The following ATP7A variants were observed in gnomAD, a reference collection of about 807,000 sequenced individuals.
The protein encoded by ATP7A is copper-transporting ATPase 1.
Under a neutral mutation model 83.5 loss-of-function variants are expected in ATP7A, and 7 were observed. The observed-to-expected ratio is 0.08, with a 90% CI of 0.05 to 0.16. ATP7A has a LOEUF of 0.16. ATP7A is among the 10% of genes least tolerant of loss of function. The pLI is 1.00. For synonymous variants in ATP7A, 354 were observed against 395.2 expected (o/e 0.90, Z 1.24); for missense variants, 940 against 1,120.8 (o/e 0.84, Z 2.30).
At chrX:77,939,469 C>G (rs1205813910) in intron 1 of ATP7A, among the ~76,000 whole-genome samples, 2 of 110,185 alleles carry the variant, frequency 1.8e-5, no homozygotes, top group South Asian at 7.7e-4. Flanking sequence ...TTTTTATTAT[C>G]AAAGTAGTAT....
chrX:77,944,805 GGTATGTAT>G (rs781880907), intron 1 of ATP7A, among the ~76,000 whole-genome samples: 2 of 107,197 alleles, frequency 1.9e-5, no homozygotes, highest in Non-Finnish European at 3.9e-5. Context: ...TCCTCAGTAT[GGTATGTAT>G]GTATGTATGT....
At chrX:77,916,354 C>CAAAAAAAAAAAA (rs782551060) in intron 1 of ATP7A, among the ~76,000 whole-genome samples, 7 of 32,460 alleles carry the variant, frequency 2.2e-4, no homozygotes, top group Non-Finnish European at 3.5e-4. Context: ...GACCCTGTCT[C>CAAAAAAAAAAAA]AAAAAAAAAA....
intron 1 of ATP7A, among the ~76,000 whole-genome samples, chrX:77,932,091 G>C: frequency 9.0e-6 from 1 of 110,630 alleles, no homozygotes; most frequent in Non-Finnish European, 1.9e-5. Flanking sequence ...GGGCGGAGAC[G>C]CTCCTCACTT....
At position 77,988,289 on chromosome X, in the gene ATP7A, A is replaced by G. The variant is rs782612734; in HGVS notation, c.168A>G (p.Leu56=). 1 of 1,197,791 alleles carries G rather than the reference A, an allele frequency of 8.3e-7. No individual in the cohort carries two copies. The highest frequency in any genetic ancestry group is 1.1e-6 in the Non-Finnish European group (1 of 890,140). Residue 56 remains leucine (L), a synonymous_variant, in exon 3 of 23, where the codon CTA becomes CTG. Transcript: ENST00000341514. ...KNATIIYDPK[L]QTPKTLQEAI... Reference sequence around the variant, plus strand: ...CAACTATTATTTATGACCCTAAACTACAGACTCCAAAGACCCTACAGGAAG... The same window carrying G: ...CAACTATTATTTATGACCCTAAACTGCAGACTCCAAAGACCCTACAGGAAG...
In ATP7A at chrX:78,048,033, C is replaced by T. The variant is rs1255297006; in HGVS notation, c.*1463C>T. The T allele has an allele frequency of 1.8e-5, 2 of 112,080 alleles. No homozygotes were observed. Among genetic ancestry groups the T allele is most frequent in the African/African-American group, 6.5e-5 (2 of 30,847 alleles). 9.2% of individuals were successfully genotyped at this position (112,080 alleles called of 1,213,427 possible). A position where few individuals can be genotyped will look rare whatever the true frequency, so the allele number is the denominator to read the frequency against. On this transcript the variant is annotated 3_prime_UTR_variant, in exon 23 of 23. Coordinates refer to ENST00000341514, the MANE Select transcript of ATP7A (RefSeq NM_000052.7). ...CAAAAAATACAGTAAAATCATAATA[C>T]AGAAACTAAAATTTCCCTAGGTTAT... is the stretch of plus-strand genomic sequence containing the variant.
chrX:77,939,704 T>C (rs1445353133), intron 1 of ATP7A, among the ~76,000 whole-genome samples: 1 of 111,119 alleles, frequency 9.0e-6, no homozygotes, highest in Non-Finnish European at 1.9e-5. Context: ...AGAGTTAATA[T>C]AGAGAGGTAT....
chrX:77,946,286 C>T (rs1425529043), intron 1 of ATP7A, among the ~76,000 whole-genome samples: 15 of 101,056 alleles, frequency 1.5e-4, no homozygotes, highest in Non-Finnish European at 2.4e-4. Context: ...GGTGACAGGG[C>T]GAGACTCTGT....
chrX:78,001,271 A>AT (rs1405010097), intron 5 of ATP7A, among the ~76,000 whole-genome samples: 1 of 110,587 alleles, frequency 9.0e-6, no homozygotes, highest in Non-Finnish European at 1.9e-5. Context: ...TATATTAGGT[A>AT]TTTTTTCTTT....
In ATP7A at chrX:78,014,705, C is replaced by T. The variant is rs781879594; in HGVS notation, c.2450C>T (p.Ala817Val). The T allele has an allele frequency of 6.6e-6, 8 of 1,209,096 alleles. No homozygotes were observed. Among genetic ancestry groups the T allele is most frequent in the Non-Finnish European group, 9.0e-6 (8 of 893,693 alleles). ...CTTGCAAAGTTAATTTCACTACAAG[C>T]TACAGAAGCAACTATTGTAACTCTT... is the stretch of plus-strand genomic sequence containing the variant. ...EALAKLISLQ[A>V]TEATIVTLDS... Residue 817 changes from alanine to valine, a missense_variant, in exon 11 of 23, where the codon GCT becomes GTT. This residue lies in a region of ATP7A where 204 missense variants were observed against 185.8 expected (regional missense o/e 1.10). Transcript: ENST00000341514.
chrX:78,022,657 A>G (rs886293822), intron 14 of ATP7A, among the ~76,000 whole-genome samples: 4 of 109,806 alleles, frequency 3.6e-5, no homozygotes, highest in Non-Finnish European at 5.7e-5. Context: ...AGCGGGGATT[A>G]CAGGCTTATG....
rs144616937 is a variant in ATP7A, at chrX:77,988,739, G to A, written c.610+8G>A. 1,077 of 1,209,082 alleles carry A rather than the reference G, an allele frequency of 8.9e-4. 8 individuals carry two copies. In the African/African-American group the frequency reaches 0.018, roughly 20 times the overall value. ...GTGTTCAGCGAATTAAAGGTAATGT[G>A]TCTGGTGTTGATTGTTTTGTAAGGC... On this transcript the variant is annotated splice_region_variant and intron_variant, in intron 3 of 22. Transcript: ENST00000341514.
chrX:77,925,366 C>T (rs1196420302), intron 1 of ATP7A, among the ~76,000 whole-genome samples: 1 of 111,762 alleles, frequency 8.9e-6, no homozygotes, highest in African/African-American at 3.3e-5. Context: ...ACATACACCA[C>T]GTATACTGAG....
chrX:78,010,618 C>T (rs1441498435), intron 7 of ATP7A, among the ~76,000 whole-genome samples: 1 of 74,170 alleles, frequency 1.3e-5, no homozygotes, highest in African/African-American at 5.7e-5. Flanking sequence ...CTCACTCTGT[C>T]GCCTGGGCTG....
chrX:78,039,175 T>C (rs185679627), intron 18 of ATP7A, among the ~76,000 whole-genome samples, 193 bp downstream of exon 18: 2 of 112,259 alleles, frequency 1.8e-5, no homozygotes, highest in African/African-American at 6.5e-5. Flanking sequence ...TGTTACTTTC[T>C]TCCCTAGCCT....
At chrX:77,954,707 A>G (rs1222639157) in intron 1 of ATP7A, among the ~76,000 whole-genome samples, 1 of 111,792 alleles carries the variant, frequency 8.9e-6, no homozygotes, top group Non-Finnish European at 1.9e-5. Flanking sequence ...TAGGAAAAAA[A>G]TTAATTGATC....
At chrX:77,927,761 A>G (rs1212524672) in intron 1 of ATP7A, among the ~76,000 whole-genome samples, 2 of 110,762 alleles carry the variant, frequency 1.8e-5, no homozygotes, top group African/African-American at 6.6e-5. Flanking sequence ...CATTAGGTAT[A>G]TCTCCTAATG....
chrX:77,919,639 C>T lies in ATP7A; in HGVS notation c.-22+8804C>T, dbSNP rs148547041. On this transcript the variant is annotated intron_variant, in intron 1 of 22. Coordinates refer to ENST00000341514, the MANE Select transcript of ATP7A (RefSeq NM_000052.7). Reference sequence around the variant, plus strand: ...CTGAGTAGCTAAGATTACAGGCACACGCCACCCCTGGCTAATTTTTGTATT... The same window carrying T: ...CTGAGTAGCTAAGATTACAGGCACATGCCACCCCTGGCTAATTTTTGTATT... 7.9e-3 allele frequency among the ~76,000 whole-genome samples: 880 copies of T among 112,043 alleles called. 9 individuals carry two copies. Among genetic ancestry groups the T allele is most frequent in the African/African-American group, 0.028 (850 of 30,862 alleles).
In ATP7A at chrX:78,047,759, C is replaced by T. The variant is rs373679741; in HGVS notation, c.*1189C>T. The T allele has an allele frequency of 2.7e-5, 3 of 111,303 alleles. No homozygotes were observed. The highest frequency in any genetic ancestry group is 2.8e-4 in the East Asian group (1 of 3,554). The allele number at this position is 111,303 out of a possible 1,213,427, so 9.2% of individuals were successfully genotyped here. A position where few individuals can be genotyped will look rare whatever the true frequency, so the allele number is the denominator to read the frequency against. ...TAATTTTCATATTTTTCAGTAGAGA[C>T]GGGGTTTCGCCATGTTGGCTAGCCT... On this transcript the variant is annotated 3_prime_UTR_variant, in exon 23 of 23. Coordinates refer to ENST00000341514, the MANE Select transcript of ATP7A (RefSeq NM_000052.7).
intron 1 of ATP7A, among the ~76,000 whole-genome samples, chrX:77,925,812 T>G (rs1339816511): frequency 9.0e-6 from 1 of 111,469 alleles, no homozygotes; most frequent in African/African-American, 3.3e-5. Flanking sequence ...CAACTGTAGA[T>G]CCCTTTTTGC....
Sources: gnomAD v4.1 joint callset for allele counts (sites outside exome capture counted in the v4.1 genomes callset) on GRCh38, gnomAD v4.1.1 for gene constraint, gnomAD v4.1.1 regional missense constraint, MANE v1.5 for transcripts, NCBI Gene and HGNC (gene_info 2026-07-23, HGNC 2026-07-21) for gene names.